ZEB1: variants seen among roughly 807,000 people sequenced by gnomAD.
ZEB1 encodes the protein zinc finger E-box-binding homeobox 1.
A neutral mutation model predicts 84.9 loss-of-function variants in ZEB1; 21 were observed. The observed-to-expected ratio is 0.25, with a 90% CI of 0.18 to 0.36. ZEB1 has a LOEUF of 0.36. ZEB1 is among the 10% of genes least tolerant of loss of function. ZEB1 has a pLI of 1.00. For synonymous variants in ZEB1, 420 were observed against 471.1 expected (o/e 0.89, Z 1.41); for missense variants, 1,104 against 1,330.2 (o/e 0.83, Z 2.65).
chr10:31,390,792 A>G (rs925133871), intron 1 of ZEB1, among the ~76,000 whole-genome samples: 6 of 152,228 alleles, frequency 3.9e-5, no homozygotes, highest in Non-Finnish European at 7.3e-5. Flanking sequence ...GGTGTTGACC[A>G]TTGGATCCTG....
Position 31,519,255 on chromosome 10 carries a change from T to G in ZEB1, c.794-871T>G, listed in dbSNP as rs937334100. 3.9e-5 allele frequency among the ~76,000 whole-genome samples: 6 copies of G among 152,168 alleles called. 2 individuals are homozygous for G. In the South Asian group the frequency reaches 8.3e-4, roughly 21 times the overall value. The stretch of plus-strand genomic sequence containing the variant: ...ATAACTTAAAACTCAAAGGAAACAT[T>G]AGGTTTGTAGGAAAATATTCCATTT... On this transcript the variant is annotated intron_variant, in intron 6 of 8. Coordinates refer to ENST00000424869, the MANE Select transcript of ZEB1 (RefSeq NM_001174096.2).
At chr10:31,429,994 G>A (rs1312295701) in intron 1 of ZEB1, among the ~76,000 whole-genome samples, 2 of 152,038 alleles carry the variant, frequency 1.3e-5, no homozygotes, top group African/African-American at 2.4e-5. Flanking sequence ...ACCCGCCTTG[G>A]CCTCCCAAAG....
chr10:31,367,458 G>A (rs2044745639), intron 1 of ZEB1, among the ~76,000 whole-genome samples: 1 of 152,134 alleles, frequency 6.6e-6, no homozygotes, highest in Non-Finnish European at 1.5e-5. Flanking sequence ...CTCTGCTTTC[G>A]AAGGCTTATG....
chr10:31,356,286 T>TA (rs1379739108), intron 1 of ZEB1, among the ~76,000 whole-genome samples: 1 of 152,012 alleles, frequency 6.6e-6, no homozygotes, highest in Non-Finnish European at 1.5e-5. Context: ...AACTTAGTTT[T>TA]AAAAGATAAT....
intron 1 of ZEB1, among the ~76,000 whole-genome samples, chr10:31,368,943 T>A (rs1202282749): frequency 6.6e-6 from 1 of 152,244 alleles, no homozygotes; most frequent in East Asian, 1.9e-4. Context: ...CATGTTGTGC[T>A]TTGCTAGAAA....
chr10:31,485,420 A>G (rs58989902), intron 2 of ZEB1, among the ~76,000 whole-genome samples: 2,458 of 151,994 alleles, frequency 0.016, 63 homozygotes, highest in African/African-American at 0.057. Context: ...CCTAGGAATA[A>G]TTGACTCTAA....
At position 31,469,363 on chromosome 10, in the gene ZEB1, C is replaced by T. The variant is rs1404073349; in HGVS notation, c.259+8126C>T. Reference sequence around the variant, plus strand: ...CAGGTCAGTGGGTGCGCGCACCATGCGTGAGCCGAAGCAGGGTGAGGCATT... The same window carrying T: ...CAGGTCAGTGGGTGCGCGCACCATGTGTGAGCCGAAGCAGGGTGAGGCATT... On this transcript the variant is annotated intron_variant, in intron 2 of 8. Transcript: ENST00000424869. 8.5e-5 allele frequency among the ~76,000 whole-genome samples: 13 copies of T among 152,118 alleles called. No homozygotes were observed. In the East Asian group the frequency reaches 1.5e-3, roughly 18 times the overall value.
chr10:31,432,034 C>T (rs969325831), intron 1 of ZEB1, among the ~76,000 whole-genome samples: 1 of 152,092 alleles, frequency 6.6e-6, no homozygotes, highest in Non-Finnish European at 1.5e-5. Flanking sequence ...TTACTGCCCT[C>T]AAAAAGCATA....
chr10:31,441,852 A>G (rs188052215), intron 1 of ZEB1, among the ~76,000 whole-genome samples: 2 of 152,224 alleles, frequency 1.3e-5, no homozygotes, highest in East Asian at 1.9e-4. Context: ...TCAAAACCAC[A>G]ATGAGATACC....
chr10:31,325,341 G>C (rs1213532075), intron 1 of ZEB1, among the ~76,000 whole-genome samples: 2 of 152,038 alleles, frequency 1.3e-5, no homozygotes, highest in Non-Finnish European at 2.9e-5. Flanking sequence ...TATTATAGCT[G>C]TGAAACTTTA....
chr10:31,321,243 G>A, intron 1 of ZEB1: 2 of 1,222,346 alleles, frequency 1.6e-6, no homozygotes, highest in Admixed American at 3.9e-5. Flanking sequence ...AGATTTTTAA[G>A]CTGTTTCAAG....
chr10:31,509,908 C>T (rs910547841), intron 4 of ZEB1, among the ~76,000 whole-genome samples: 3 of 152,136 alleles, frequency 2.0e-5, no homozygotes, highest in African/African-American at 7.2e-5. Context: ...AAAGTTCATT[C>T]AGTAAACTAA....
intron 1 of ZEB1, among the ~76,000 whole-genome samples, chr10:31,409,085 G>A (rs1228529156): frequency 1.3e-5 from 2 of 152,182 alleles, no homozygotes; most frequent in Non-Finnish European, 2.9e-5. Flanking sequence ...AGTGGGCAAA[G>A]GACATGAACA....
At chr10:31,418,052 A>C (rs1242483736) in intron 1 of ZEB1, among the ~76,000 whole-genome samples, 1 of 152,030 alleles carries the variant, frequency 6.6e-6, no homozygotes, top group Non-Finnish European at 1.5e-5. Context: ...GGAATTAGGA[A>C]ATTTTAGTGC....
intron 1 of ZEB1, among the ~76,000 whole-genome samples, chr10:31,335,994 C>G (rs1450588108): frequency 1.3e-5 from 2 of 152,098 alleles, no homozygotes; most frequent in African/African-American, 2.4e-5. Flanking sequence ...GTATAAAACA[C>G]TGTGAGTAAA....
In ZEB1 at chr10:31,526,858, C is replaced by A. The variant is rs779888285; in HGVS notation, c.2972C>A (p.Ala991Glu). The A allele has an allele frequency of 5.6e-6, 9 of 1,614,112 alleles. No individual in the cohort carries two copies. The highest frequency in any genetic ancestry group is 7.6e-6 in the Non-Finnish European group (9 of 1,180,024). ...NHRYSYCKRE[A>E]EERDSTEQEE... ...CGCTACTCCTACTGTAAGAGAGAAG[C>A]GGAAGAACGTGACAGCACAGAGCAG... Residue 991 changes from alanine to glutamate, a missense_variant, in exon 9 of 9, where the codon GCG becomes GAG. By Grantham distance (107) the Ala-to-Glu change is moderately radical (BLOSUM62 -1). Coordinates refer to ENST00000424869, the MANE Select transcript of ZEB1 (RefSeq NM_001174096.2).
intron 1 of ZEB1, among the ~76,000 whole-genome samples, chr10:31,419,653 G>GA (rs1369470832): frequency 2.0e-5 from 3 of 152,120 alleles, no homozygotes; most frequent in African/African-American, 7.2e-5. Flanking sequence ...AGTTAAGTTG[G>GA]ATATTTTTGA....
intron 2 of ZEB1, among the ~76,000 whole-genome samples, chr10:31,475,852 C>G (rs2064084004): frequency 6.6e-6 from 1 of 151,906 alleles, no homozygotes; most frequent in Admixed American, 6.6e-5. Context: ...GTAGAAACCT[C>G]AAAGATCCAA....
chr10:31,443,861 C>G (rs999937204), intron 1 of ZEB1, among the ~76,000 whole-genome samples: 2 of 151,072 alleles, frequency 1.3e-5, no homozygotes, highest in South Asian at 2.1e-4. Flanking sequence ...TGAATAGTGC[C>G]GCAATAAACA....
Sources: allele counts gnomAD v4.1 joint callset (sites outside exome capture counted in the v4.1 genomes callset), GRCh38; gene constraint gnomAD v4.1.1; transcripts MANE v1.5; gene names NCBI Gene and HGNC (gene_info 2026-07-23, HGNC 2026-07-21).